FOXP1: variants seen among roughly 807,000 people sequenced by gnomAD.
FOXP1 encodes forkhead box protein P1.
Under a neutral mutation model 98.2 loss-of-function variants are expected in FOXP1, and 15 were observed. The observed-to-expected ratio is 0.15, with a 90% confidence interval of 0.10 to 0.24. The LOEUF (loss-of-function observed/expected upper bound fraction) is 0.24. Among genes scored for constraint, FOXP1 ranks in the 10% least tolerant of loss-of-function variants. The pLI is 1.00. For missense variants in FOXP1, 633 were observed against 848.5 expected (o/e 0.75, Z 3.15); for synonymous variants, 371 against 314.5 (o/e 1.18, Z -1.90).
At chr3:71,218,948 A>G (rs1002458392) in intron 5 of FOXP1, among the ~76,000 whole-genome samples, 2 of 152,248 alleles carry the variant, frequency 1.3e-5, no homozygotes, top group East Asian at 3.9e-4. Context: ...TTCCACTTTG[A>G]TGTCCTAAAA....
In FOXP1 at chr3:71,199,043, C is replaced by T. The variant is rs1287371241; in HGVS notation, c.-11-651G>A. On this transcript the variant is annotated intron_variant, in intron 5 of 20. Transcript: ENST00000649528. ...CTTTGCTCAAAAACCAGCAAGTCAT[C>T]CTATAGAGCATATTAGGTATAAACA... is the stretch of plus-strand genomic sequence containing the variant. Among the ~76,000 whole-genome samples the T allele has an allele frequency of 2.0e-5, 3 of 151,878 alleles. No individual in the cohort carries two copies. The South Asian group carries it at 6.2e-4, about 31-fold the overall frequency.
At chr3:71,460,457 GAC>G (rs1321824546) in intron 3 of FOXP1, among the ~76,000 whole-genome samples, 4 of 150,756 alleles carry the variant, frequency 2.7e-5, no homozygotes, top group African/African-American at 9.8e-5. Flanking sequence ...TTGTTTTTGA[GAC>G]AGAGTCTCAC....
At chr3:71,303,443 C>T (rs1238800175) in intron 4 of FOXP1, among the ~76,000 whole-genome samples, 1 of 152,142 alleles carries the variant, frequency 6.6e-6, no homozygotes, top group Non-Finnish European at 1.5e-5. Context: ...TTCCCATACC[C>T]CCAAATCCTC....
At chr3:71,345,821 C>T (rs60905580) in intron 4 of FOXP1, among the ~76,000 whole-genome samples, 64,096 of 137,824 alleles carry the variant, frequency 0.47, 15,072 homozygotes, top group East Asian at 0.73. Context: ...ACAGCAGGTG[C>T]GGGCAGGGAC....
At chr3:71,479,177 A>G (rs1305106844) in intron 3 of FOXP1, among the ~76,000 whole-genome samples, 1 of 152,140 alleles carries the variant, frequency 6.6e-6, no homozygotes, top group African/African-American at 2.4e-5. Flanking sequence ...TAATCCCAGC[A>G]CTCTGGGACT....
At chr3:71,090,728 C>T (rs1251344742) in intron 7 of FOXP1, among the ~76,000 whole-genome samples, 2 of 152,140 alleles carry the variant, frequency 1.3e-5, no homozygotes, top group African/African-American at 4.8e-5. Flanking sequence ...TCAGCAGTTG[C>T]ACTGCCATTA....
chr3:71,031,455 T>C (rs1000317447), intron 11 of FOXP1, among the ~76,000 whole-genome samples: 4 of 152,164 alleles, frequency 2.6e-5, no homozygotes, highest in African/African-American at 9.7e-5. Context: ...CTTGGGTATA[T>C]AAATGGAGAA....
intron 12 of FOXP1, among the ~76,000 whole-genome samples, chr3:71,014,639 T>G (rs999623851): frequency 2.6e-5 from 4 of 152,236 alleles, no homozygotes; most frequent in African/African-American, 4.8e-5. Context: ...ATCCCATTAC[T>G]GGGTATATAC....
At chr3:71,509,724 A>C (rs2042064439) in intron 2 of FOXP1, among the ~76,000 whole-genome samples, 1 of 152,162 alleles carries the variant, frequency 6.6e-6, no homozygotes, top group African/African-American at 2.4e-5. Context: ...CTCTACAAAA[A>C]ATTAAAAATT....
intron 6 of FOXP1, among the ~76,000 whole-genome samples, chr3:71,150,568 A>T (rs1012181284): frequency 6.6e-6 from 1 of 152,116 alleles, no homozygotes; most frequent in Admixed American, 6.5e-5. Context: ...TTAATCCTTA[A>T]CACCCTCCAA....
intron 2 of FOXP1, among the ~76,000 whole-genome samples, chr3:71,510,116 G>A (rs908514156): frequency 6.6e-6 from 1 of 152,002 alleles, no homozygotes; most frequent in African/African-American, 2.4e-5. Context: ...CGGAGGCGGA[G>A]GTTGTAGTGA....
chr3:70,961,446 G>A (rs1452762759), intron 20 of FOXP1, among the ~76,000 whole-genome samples: 1 of 151,126 alleles, frequency 6.6e-6, no homozygotes. Flanking sequence ...GGTGAGGCTG[G>A]TCTTGAACTC....
rs1283124549 is a variant in FOXP1, at chr3:70,955,805, A to G, written c.*3442T>C. 4.3e-6 allele frequency: 1 copy of G among 231,856 alleles called. No individual in the cohort carries two copies. The highest frequency in any genetic ancestry group is 8.5e-6 in the Non-Finnish European group (1 of 117,976). 14.4% of individuals were successfully genotyped at this position (231,856 alleles called of 1,614,324 possible). A position where few individuals can be genotyped will look rare whatever the true frequency, so the allele number is the denominator to read the frequency against. ...AACACAAGGGATAGGAATGTATCAA[A>G]AAACAGATTAACACACACGCACGCG... On this transcript the variant is annotated 3_prime_UTR_variant, in exon 21 of 21. Coordinates refer to ENST00000649528, the MANE Select transcript of FOXP1 (RefSeq NM_001349338.3).
chr3:70,975,084 C>T (rs909539314), intron 17 of FOXP1, among the ~76,000 whole-genome samples: 2 of 152,204 alleles, frequency 1.3e-5, no homozygotes, highest in Non-Finnish European at 2.9e-5. Context: ...ATTTATGAGT[C>T]ACTATTTCAT....
chr3:71,130,948 A>T (rs527872864), intron 6 of FOXP1: 1 of 1,228,254 alleles, frequency 8.1e-7, no homozygotes, highest in South Asian at 2.9e-5. Flanking sequence ...CCCTAGCCAA[A>T]CACAGCTCAT....
chr3:71,311,718 C>T (rs1357925530), intron 4 of FOXP1, among the ~76,000 whole-genome samples: 1 of 152,200 alleles, frequency 6.6e-6, no homozygotes, highest in Non-Finnish European at 1.5e-5. Flanking sequence ...CACATCCCAA[C>T]TTTATTAGTC....
intron 7 of FOXP1, among the ~76,000 whole-genome samples, chr3:71,081,693 A>C (rs185201501): frequency 6.6e-6 from 1 of 152,302 alleles, no homozygotes; most frequent in African/African-American, 2.4e-5. Flanking sequence ...TTCCACTACA[A>C]ATTATGAATG....
rs113204821 is a variant in FOXP1, at chr3:71,402,521, G to C, written c.-167-43277C>G. Among the ~76,000 whole-genome samples the C allele has an allele frequency of 3.5e-3, 536 of 152,314 alleles. 4 individuals carry two copies. Among genetic ancestry groups the C allele is most frequent in the African/African-American group, 0.012 (518 of 41,574 alleles). Reference sequence around the variant, plus strand: ...AAGCACAATTCATTGACAAATGACAGAATACTTTGTACATTTCTAGCAGGG... The same window carrying C: ...AAGCACAATTCATTGACAAATGACACAATACTTTGTACATTTCTAGCAGGG... On this transcript the variant is annotated intron_variant, in intron 3 of 20. Coordinates refer to ENST00000649528, the MANE Select transcript of FOXP1 (RefSeq NM_001349338.3).
At chr3:71,319,184 C>T (rs1236997759) in intron 4 of FOXP1, among the ~76,000 whole-genome samples, 1 of 152,142 alleles carries the variant, frequency 6.6e-6, no homozygotes, top group African/African-American at 2.4e-5. Context: ...CCATTGCACA[C>T]CTTACACCCA....
Sources: allele counts gnomAD v4.1 joint callset (sites outside exome capture counted in the v4.1 genomes callset), GRCh38; gene constraint gnomAD v4.1.1; transcripts MANE v1.5; gene names NCBI Gene and HGNC (gene_info 2026-07-23, HGNC 2026-07-21).